The following NRG3 variants were observed in gnomAD, a reference collection of about 807,000 sequenced individuals.
NRG3 encodes the protein pro-neuregulin-3, membrane-bound isoform.
A neutral mutation model predicts 66.9 loss-of-function variants in NRG3; 31 were observed. That is an observed-to-expected ratio of 0.46 (90% CI 0.35 to 0.63). The LOEUF is 0.63. NRG3 is among the 20% of genes least tolerant of loss of function. The probability of loss-of-function intolerance (pLI) is 0.00; values close to 1 mark genes in which losing one functional copy is unlikely to be tolerated. For synonymous variants in NRG3, 393 were observed against 359.4 expected, an observed-to-expected ratio of 1.09 and a Z score of -1.06; for missense variants, 910 against 878.9, an observed-to-expected ratio of 1.04 and a Z score of -0.45.
chr10:82,331,441 T>C (rs2082129680), intron 1 of NRG3, among the ~76,000 whole-genome samples: 1 of 152,162 alleles, frequency 6.6e-6, no homozygotes, highest in Non-Finnish European at 1.5e-5. Flanking sequence ...ACTCAGTATT[T>C]CCTAAACTGT....
chr10:82,132,525 G>GAT lies in NRG3; in HGVS notation c.824-226205_824-226204dup, dbSNP rs1317557723. ...TATATCATATATATATGATATATAT[G>GAT]ATATATATATGATATATATATATCT... On this transcript the variant is annotated intron_variant, in intron 1 of 8. Coordinates refer to ENST00000372141, the MANE Select transcript of NRG3 (RefSeq NM_001010848.4). 7.3e-5 allele frequency among the ~76,000 whole-genome samples: 4 copies of GAT among 54,778 alleles called. 1 individual carries two copies. Among genetic ancestry groups the GAT allele is most frequent in the South Asian group, 6.2e-4 (1 of 1,620 alleles). The allele number at this position is 54,778 out of a possible 152,430, so 35.9% of individuals were successfully genotyped here.
intron 2 of NRG3, among the ~76,000 whole-genome samples, chr10:82,451,114 G>A (rs2091000487): frequency 6.6e-6 from 1 of 152,104 alleles, no homozygotes; most frequent in African/African-American, 2.4e-5. Flanking sequence ...TGGTGGTCTA[G>A]GTGCTGTAAA....
intron 2 of NRG3, among the ~76,000 whole-genome samples, chr10:82,648,691 G>A (rs1483460630): frequency 6.6e-6 from 1 of 152,084 alleles, no homozygotes; most frequent in Non-Finnish European, 1.5e-5. Flanking sequence ...TTGAGCAGTG[G>A]TTTGTAGTTC....
chr10:82,517,365 CATTT>C (rs1845757424), intron 2 of NRG3, among the ~76,000 whole-genome samples: 1 of 152,078 alleles, frequency 6.6e-6, no homozygotes, highest in South Asian at 2.1e-4. Flanking sequence ...TTTTCTCTGT[CATTT>C]AAGAAAAGTA....
intron 1 of NRG3, among the ~76,000 whole-genome samples, chr10:81,900,144 T>C (rs1843899843): frequency 6.6e-6 from 1 of 152,150 alleles, no homozygotes; most frequent in African/African-American, 2.4e-5. Flanking sequence ...AGATGGGGTT[T>C]CACCATGTTG....
chr10:82,678,082 G>A (rs1021353693), intron 2 of NRG3, among the ~76,000 whole-genome samples: 2 of 152,194 alleles, frequency 1.3e-5, no homozygotes, highest in African/African-American at 2.4e-5. Context: ...TTGCCTCTTA[G>A]TGCTCATGCT....
chr10:82,285,363 C>T (rs2079360181), intron 1 of NRG3, among the ~76,000 whole-genome samples: 1 of 152,194 alleles, frequency 6.6e-6, no homozygotes, highest in African/African-American at 2.4e-5. Context: ...ATCAATCCCA[C>T]TTCTTGTTCA....
At chr10:82,770,192 GT>G (rs1305038232) in intron 3 of NRG3, among the ~76,000 whole-genome samples, 1 of 152,054 alleles carries the variant, frequency 6.6e-6, no homozygotes, top group African/African-American at 2.4e-5. Flanking sequence ...ACTATGCATA[GT>G]ATTTCAACTA....
At chr10:82,432,909 T>C (rs1479677400) in intron 2 of NRG3, among the ~76,000 whole-genome samples, 10 of 152,200 alleles carry the variant, frequency 6.6e-5, no homozygotes, top group Non-Finnish European at 1.0e-4. Flanking sequence ...TTGTAAATAG[T>C]GCAACAATAA....
chr10:81,994,078 C>G (rs1023570455), intron 1 of NRG3, among the ~76,000 whole-genome samples: 1 of 152,128 alleles, frequency 6.6e-6, no homozygotes, highest in Non-Finnish European at 1.5e-5. Context: ...AACACCATTT[C>G]TAGGGTTTTT....
intron 1 of NRG3, among the ~76,000 whole-genome samples, chr10:82,192,412 G>A (rs1260982514): frequency 6.6e-6 from 1 of 152,160 alleles, no homozygotes; most frequent in Non-Finnish European, 1.5e-5. Flanking sequence ...ATAATTTGTG[G>A]GAGTGGGCAT....
intron 2 of NRG3, among the ~76,000 whole-genome samples, chr10:82,689,761 G>A (rs1036893168): frequency 6.6e-6 from 1 of 152,154 alleles, no homozygotes; most frequent in Non-Finnish European, 1.5e-5. Flanking sequence ...CAACTAATTG[G>A]AAGACGAAAG....
chr10:82,740,213 CTTCT>C (rs1415802420), intron 3 of NRG3, among the ~76,000 whole-genome samples: 2 of 150,320 alleles, frequency 1.3e-5, no homozygotes, highest in Admixed American at 6.7e-5. Flanking sequence ...CTCTTCCTTT[CTTCT>C]TTCTTTCCTT....
At chr10:82,718,797 C>A (rs1460086681) in intron 2 of NRG3, among the ~76,000 whole-genome samples, 1 of 152,096 alleles carries the variant, frequency 6.6e-6, no homozygotes, top group Non-Finnish European at 1.5e-5. Flanking sequence ...TTACTTCTGA[C>A]AAATGATTTT....
intron 1 of NRG3, among the ~76,000 whole-genome samples, chr10:81,943,426 T>G (rs970561453): frequency 2.0e-5 from 3 of 152,176 alleles, no homozygotes; most frequent in South Asian, 4.1e-4. Flanking sequence ...TCTTTAACAA[T>G]TCAGGCTTCC....
At chr10:82,501,324 G>A (rs576641653) in intron 2 of NRG3, among the ~76,000 whole-genome samples, 3 of 152,210 alleles carry the variant, frequency 2.0e-5, no homozygotes, top group African/African-American at 7.2e-5. Flanking sequence ...TCCTCCCTTA[G>A]GATATTTTCA....
At chr10:81,990,802 A>G (rs1219531093) in intron 1 of NRG3, among the ~76,000 whole-genome samples, 1 of 152,148 alleles carries the variant, frequency 6.6e-6, no homozygotes, top group Non-Finnish European at 1.5e-5. Context: ...ACTTAATTGA[A>G]TTATATTTGT....
At chr10:81,930,120 C>T (rs1239035603) in intron 1 of NRG3, among the ~76,000 whole-genome samples, 4 of 152,232 alleles carry the variant, frequency 2.6e-5, no homozygotes, top group African/African-American at 7.2e-5. Context: ...GTAGACAGGA[C>T]CTCTCAGTGA....
intron 3 of NRG3, among the ~76,000 whole-genome samples, chr10:82,848,414 CA>C (rs1473388719): frequency 6.6e-6 from 1 of 152,126 alleles, no homozygotes; most frequent in Non-Finnish European, 1.5e-5. Flanking sequence ...TCAATTTCTC[CA>C]ATTTGGAATG....
Sources: allele counts gnomAD v4.1 joint callset (sites outside exome capture counted in the v4.1 genomes callset), GRCh38; gene constraint gnomAD v4.1.1; transcripts MANE v1.5; gene names NCBI Gene and HGNC (gene_info 2026-07-23, HGNC 2026-07-21).